The following MAD2L1BP variants were observed in gnomAD, a reference collection of about 807,000 sequenced individuals.
The protein encoded by MAD2L1BP is MAD2L1-binding protein.
A neutral mutation model predicts 28.4 loss-of-function variants in MAD2L1BP; 22 were observed. The ratio of observed to expected loss-of-function variants is 0.77; its 90% confidence interval spans 0.55 to 1.10. The LOEUF (loss-of-function observed/expected upper bound fraction) is 1.10, where lower values mean the gene tolerates loss of function less well. Among genes scored for constraint, MAD2L1BP ranks in the 50% least tolerant of loss-of-function variants. The pLI, the probability that MAD2L1BP is intolerant of heterozygous loss-of-function variation, is 0.00. For missense variants in MAD2L1BP, 325 were observed against 350.5 expected (o/e 0.93, Z 0.58); for synonymous variants, 146 against 133.7 (o/e 1.09, Z -0.63).
At chr6:43,635,197 T>A (rs1770129862), upstream of MAD2L1BP, among the ~76,000 whole-genome samples, 2 of 152,242 alleles carry the variant, frequency 1.3e-5, no homozygotes, top group African/African-American at 4.8e-5. Flanking sequence ...ACGTGGCTTA[T>A]ACGGTCCTGC....
chr6:43,634,220 CTT>C (rs751773637), upstream of MAD2L1BP, among the ~76,000 whole-genome samples: 9 of 103,656 alleles, frequency 8.7e-5, no homozygotes, highest in Non-Finnish European at 1.4e-4. Flanking sequence ...TTCTTTTTTT[CTT>C]TTTTTTTTTT....
chr6:43,637,037 C>G (rs371202017), intron 2 of MAD2L1BP, among the ~76,000 whole-genome samples: 2 of 151,866 alleles, frequency 1.3e-5, no homozygotes, highest in South Asian at 4.2e-4. Flanking sequence ...GCCACCACAC[C>G]CAGCTAATTT....
intron 1 of MAD2L1BP, 34 bp from the exon 2 acceptor site, chr6:43,636,347 A>C: frequency 6.2e-7 from 1 of 1,606,392 alleles, no homozygotes; most frequent in Non-Finnish European, 8.5e-7. Context: ...TAGGTTTTTA[A>C]TTTTTCTCTC....
rs146511600 is a variant in MAD2L1BP, at chr6:43,635,902, G to T, written c.27G>T (p.Leu9=). 6.4e-4 allele frequency: 956 copies of T among 1,496,830 alleles called. No individual in the cohort carries two copies. Among genetic ancestry groups the T allele is most frequent in the Non-Finnish European group, 7.5e-4 (852 of 1,129,380 alleles). The allele number at this position is 1,496,830 out of a possible 1,614,324, so 92.7% of individuals were successfully genotyped here. A position where few individuals can be genotyped will look rare whatever the true frequency, so the allele number is the denominator to read the frequency against. Residue 9 remains leucine (L), a synonymous_variant, in exon 1 of 3, where the codon CTG becomes CTT. Coordinates refer to ENST00000372171, the MANE Select transcript of MAD2L1BP (RefSeq NM_014628.3). ...TGGCGGCGCCGGAGGCGGAGGTTCT[G>T]TCCTCAGCCGCAGTCCCTGGTAAGG... is the stretch of plus-strand genomic sequence containing the variant. MAAPEAEV[L]SSAAVPDLEW... is the part of the protein sequence containing the mutation.
intron 2 of MAD2L1BP, 112 bp from the exon 3 acceptor site, chr6:43,639,909 G>A (rs770384100): frequency 7.7e-5 from 66 of 858,568 alleles, no homozygotes; most frequent in Non-Finnish European, 1.0e-4. Context: ...GGTTCATTGA[G>A]CTAGAAATTA....
In MAD2L1BP at chr6:43,635,859, G is replaced by A; in HGVS notation, c.-17G>A. On this transcript the variant is annotated 5_prime_UTR_variant, in exon 1 of 3. Coordinates refer to ENST00000372171, the MANE Select transcript of MAD2L1BP (RefSeq NM_014628.3). ...ACCTTTATTCTAACCGCAAGGAGTA[G>A]CGGAGGGGAGGTCGTGATGGCGGCG... is the stretch of plus-strand genomic sequence containing the variant. 3 of 1,476,616 alleles carry A rather than the reference G, an allele frequency of 2.0e-6. No homozygotes were observed. The highest frequency in any genetic ancestry group is 2.7e-6 in the Non-Finnish European group (3 of 1,120,118). The allele number at this position is 1,476,616 out of a possible 1,614,324, so 91.5% of individuals were successfully genotyped here.
At chr6:43,638,522 C>T (rs1193927861) in intron 2 of MAD2L1BP, among the ~76,000 whole-genome samples, 1 of 151,010 alleles carries the variant, frequency 6.6e-6, no homozygotes, top group Non-Finnish European at 1.5e-5. Context: ...ATTGGCCGGG[C>T]GCGGTGGCTC....
At chr6:43,638,515 G>T (rs979883391) in intron 2 of MAD2L1BP, among the ~76,000 whole-genome samples, 12 of 151,932 alleles carry the variant, frequency 7.9e-5, no homozygotes, top group African/African-American at 2.4e-4. Context: ...AGAATAAATT[G>T]GCCGGGCGCG....
chr6:43,629,915 G>C (rs1769791080), intron 1 of MAD2L1BP: 1 of 1,067,726 alleles, frequency 9.4e-7, no homozygotes, highest in Non-Finnish European at 1.3e-6. Flanking sequence ...TTTAATAACC[G>C]GAGGCACCGC....
chr6:43,631,248 G>T (rs746669018), upstream of MAD2L1BP, among the ~76,000 whole-genome samples: 1 of 152,178 alleles, frequency 6.6e-6, no homozygotes, highest in African/African-American at 2.4e-5. Flanking sequence ...CTGAAGGAAA[G>T]GTTATGCCGT....
chr6:43,630,031 C>A (rs112315794), intron 1 of MAD2L1BP, among the ~76,000 whole-genome samples: 8 of 152,188 alleles, frequency 5.3e-5, no homozygotes, highest in African/African-American at 1.9e-4. Context: ...GAAGCAGAAC[C>A]AATCGGGAAG....
At chr6:43,638,527 T>G (rs911500036) in intron 2 of MAD2L1BP, among the ~76,000 whole-genome samples, 3 of 149,792 alleles carry the variant, frequency 2.0e-5, no homozygotes, top group Non-Finnish European at 4.5e-5. Context: ...CCGGGCGCGG[T>G]GGCTCACGCC....
At position 43,640,528 on chromosome 6, in the gene MAD2L1BP, G is replaced by A. The variant is rs755734678; in HGVS notation, c.820G>A (p.Glu274Lys). 1.9e-6 allele frequency: 3 copies of A among 1,573,022 alleles called. No homozygotes were observed. The highest frequency in any genetic ancestry group is 4.5e-5 in the East Asian group (2 of 44,368). Residue 274 changes from glutamate to lysine, a missense_variant, in exon 3 of 3, where the codon GAG (glutamate) becomes AAG (lysine). By Grantham distance (56) the Glu-to-Lys change is moderately conservative. Coordinates refer to ENST00000372171, the MANE Select transcript of MAD2L1BP (RefSeq NM_014628.3). ...QAPVTFKGFR[E>K] ...ACCAGTGACATTTAAAGGCTTCCGC[G>A]AGTGAATGAGTGCTTCTTAATCCTA... is the stretch of plus-strand genomic sequence containing the variant.
upstream of MAD2L1BP, chr6:43,633,149 G>A (rs1770021697): frequency 2.4e-6 from 1 of 422,164 alleles, no homozygotes; most frequent in African/African-American, 2.1e-5. Flanking sequence ...TGCCCAGTCA[G>A]ACCCAGTATT....
Sources: gnomAD v4.1 joint callset for allele counts (sites outside exome capture counted in the v4.1 genomes callset) on GRCh38, gnomAD v4.1.1 for gene constraint, MANE v1.5 for transcripts, NCBI Gene and HGNC (gene_info 2026-07-23, HGNC 2026-07-21) for gene names.